GALNTL6: variants seen among roughly 807,000 people sequenced by gnomAD.
GALNTL6 encodes polypeptide N-acetylgalactosaminyltransferase-like 6.
A neutral mutation model predicts 73.7 loss-of-function variants in GALNTL6; 46 were observed. That is an observed-to-expected ratio of 0.62 (90% CI 0.49 to 0.80). GALNTL6 has a LOEUF of 0.80. Ranked by LOEUF, GALNTL6 falls within the 30% of genes least tolerant of loss-of-function variation. The probability of loss-of-function intolerance (pLI) is 0.00; values close to 1 mark genes in which losing one functional copy is unlikely to be tolerated. For synonymous variants in GALNTL6, 259 were observed against 263.7 expected (o/e 0.98, Z 0.17); for missense variants, 604 against 755.0 (o/e 0.80, Z 2.34).
At chr4:172,627,207 A>G (rs1739202667) in intron 5 of GALNTL6, among the ~76,000 whole-genome samples, 1 of 152,052 alleles carries the variant, frequency 6.6e-6, no homozygotes, top group South Asian at 2.1e-4. Context: ...TCATGAAGGG[A>G]TGTTGAATTT....
At chr4:172,342,828 G>A (rs1741616535) in intron 4 of GALNTL6, among the ~76,000 whole-genome samples, 1 of 152,136 alleles carries the variant, frequency 6.6e-6, no homozygotes, top group Non-Finnish European at 1.5e-5. Flanking sequence ...GCACATTCTA[G>A]GCCCCTGGGC....
chr4:172,813,566 A>G lies in GALNTL6; in HGVS notation c.766A>G (p.Ile256Val). Residue 256 changes from isoleucine to valine, a missense_variant, in exon 7 of 13, where the codon ATC becomes GTC. Ile to Val is a conservative substitution (Grantham distance 29, BLOSUM62 3). This residue lies in a region of GALNTL6 where 179 missense variants were observed against 230.8 expected (regional missense o/e 0.78). Coordinates refer to ENST00000506823, the MANE Select transcript of GALNTL6 (RefSeq NM_001034845.3). ...CCAAATTGCACTAAACCACAAAACC[A>G]TCGTGTGTCCCATGATCGATGTCAT... ...LNQIALNHKT[I>V]VCPMIDVIDH... 1.2e-6 allele frequency: 2 copies of G among 1,608,836 alleles called. No homozygotes were observed. The highest frequency in any genetic ancestry group is 1.7e-6 in the Non-Finnish European group (2 of 1,175,886).
chr4:172,993,560 A>G (rs1460308180), intron 10 of GALNTL6, among the ~76,000 whole-genome samples: 16 of 152,200 alleles, frequency 1.1e-4, no homozygotes, highest in Non-Finnish European at 2.1e-4. Flanking sequence ...TCAGCCTCTC[A>G]TGGCTACTTG....
At chr4:172,159,581 A>C (rs1270022040) in intron 2 of GALNTL6, among the ~76,000 whole-genome samples, 1 of 152,166 alleles carries the variant, frequency 6.6e-6, no homozygotes, top group Non-Finnish European at 1.5e-5. Context: ...ACAGCATGTT[A>C]TGACCTTTGG....
chr4:172,826,211 C>T (rs191266360), intron 7 of GALNTL6, among the ~76,000 whole-genome samples: 34 of 152,182 alleles, frequency 2.2e-4, no homozygotes, highest in Non-Finnish European at 4.3e-4. Context: ...AGCTAGCAAA[C>T]TACTGGGTTC....
At chr4:172,062,512 C>T (rs571940052) in intron 2 of GALNTL6, among the ~76,000 whole-genome samples, 9 of 152,216 alleles carry the variant, frequency 5.9e-5, no homozygotes, top group African/African-American at 1.2e-4. Flanking sequence ...TTTCTCCCTT[C>T]GTAGAAAGTC....
chr4:172,771,321 G>T (rs1016051866), intron 5 of GALNTL6, among the ~76,000 whole-genome samples: 1 of 152,174 alleles, frequency 6.6e-6, no homozygotes, highest in Non-Finnish European at 1.5e-5. Context: ...AGTGAAAAAG[G>T]TTTTAGAAAG....
chr4:171,861,209 G>A (rs924991263), intron 2 of GALNTL6, among the ~76,000 whole-genome samples: 2 of 152,154 alleles, frequency 1.3e-5, no homozygotes, highest in South Asian at 4.1e-4. Context: ...TATGAAGAGA[G>A]AGTTTACCTC....
At chr4:172,514,562 G>C (rs1054647482) in intron 5 of GALNTL6, among the ~76,000 whole-genome samples, 1 of 152,126 alleles carries the variant, frequency 6.6e-6, no homozygotes, top group African/African-American at 2.4e-5. Context: ...TATGGCTTCT[G>C]TGCTCATATC....
chr4:171,872,075 G>A lies in GALNTL6; in HGVS notation c.138+57357G>A, dbSNP rs909265035. ...AGTATGTTTAGATGCTTTTTTTTTT[G>A]CAACTTTGTTAGATATACTTTGCTA... On this transcript the variant is annotated intron_variant, in intron 2 of 12. Transcript: ENST00000506823. Among the ~76,000 whole-genome samples, 4 of 149,412 alleles carry A rather than the reference G, an allele frequency of 2.7e-5. No homozygotes were observed. In the East Asian group the frequency reaches 5.9e-4, roughly 22 times the overall value.
chr4:172,916,555 G>A (rs1257787338), intron 8 of GALNTL6, among the ~76,000 whole-genome samples: 5 of 152,190 alleles, frequency 3.3e-5, no homozygotes, highest in South Asian at 4.2e-4. Flanking sequence ...AAAGTCTCAG[G>A]ATACAAAATC....
At chr4:172,966,061 G>C (rs1750311223) in intron 10 of GALNTL6, among the ~76,000 whole-genome samples, 1 of 152,152 alleles carries the variant, frequency 6.6e-6, no homozygotes, top group South Asian at 2.1e-4. Flanking sequence ...GAGAATGTTA[G>C]ACTGAAAAAT....
intron 4 of GALNTL6, among the ~76,000 whole-genome samples, chr4:172,326,906 T>G (rs1314678161): frequency 6.6e-6 from 1 of 152,020 alleles, no homozygotes; most frequent in Non-Finnish European, 1.5e-5. Flanking sequence ...CTTTAAACAA[T>G]GTTACCTGAC....
intron 2 of GALNTL6, among the ~76,000 whole-genome samples, chr4:172,093,822 A>T (rs72988362): frequency 0.033 from 5,064 of 152,278 alleles, 271 homozygotes; most frequent in African/African-American, 0.11. Context: ...ATGCCTGATG[A>T]CGTATCACTG....
At chr4:172,425,087 A>T (rs2111369640) in intron 5 of GALNTL6, among the ~76,000 whole-genome samples, 1 of 152,254 alleles carries the variant, frequency 6.6e-6, no homozygotes, top group African/African-American at 2.4e-5. Context: ...GATGAAAAGT[A>T]TCAAAATTCT....
intron 5 of GALNTL6, among the ~76,000 whole-genome samples, chr4:172,585,190 GTTTTATATCCT>G (rs1737354983): frequency 1.3e-5 from 2 of 151,732 alleles, no homozygotes; most frequent in South Asian, 4.2e-4. Flanking sequence ...TGTATTATCT[GTTTTATATCCT>G]TTGGGAACTT....
At chr4:172,738,009 G>C (rs968486595) in intron 5 of GALNTL6, among the ~76,000 whole-genome samples, 4 of 152,152 alleles carry the variant, frequency 2.6e-5, no homozygotes, top group Non-Finnish European at 5.9e-5. Flanking sequence ...CTGAGTTACA[G>C]AGCAGAGTTT....
chr4:172,663,047 A>G (rs1731464327), intron 5 of GALNTL6, among the ~76,000 whole-genome samples: 1 of 152,194 alleles, frequency 6.6e-6, no homozygotes, highest in Non-Finnish European at 1.5e-5. Context: ...GGCATGAGAA[A>G]GTAATGGAAG....
chr4:172,415,031 G>C (rs1186640797), intron 5 of GALNTL6, among the ~76,000 whole-genome samples: 2 of 151,632 alleles, frequency 1.3e-5, no homozygotes, highest in Non-Finnish European at 2.9e-5. Context: ...ATTCTTTCTT[G>C]TAATACTGTG....
Sources: allele counts gnomAD v4.1 joint callset (sites outside exome capture counted in the v4.1 genomes callset), GRCh38; gene constraint gnomAD v4.1.1; regional missense constraint gnomAD v4.1.1; transcripts MANE v1.5; gene names NCBI Gene and HGNC (gene_info 2026-07-23, HGNC 2026-07-21).